Variants in GTF2F2 observed in about 807,000 individuals in gnomAD.
GTF2F2 encodes the protein general transcription factor IIF subunit 2, also known as ATP-dependent helicase GTF2F2.
Under a neutral mutation model 42.2 loss-of-function variants are expected in GTF2F2, and 23 were observed. The ratio of observed to expected loss-of-function variants is 0.55; its 90% CI spans 0.39 to 0.77. The LOEUF (loss-of-function observed/expected upper bound fraction) is 0.77. GTF2F2 is among the 30% of genes least tolerant of loss of function. The pLI is 0.00. For synonymous variants in GTF2F2, 105 were observed against 100.8 expected (o/e 1.04, Z -0.25); for missense variants, 261 against 287.2 (o/e 0.91, Z 0.66).
At chr13:45,249,737 A>G (rs1875795802) in intron 5 of GTF2F2, among the ~76,000 whole-genome samples, 2 of 152,322 alleles carry the variant, frequency 1.3e-5, no homozygotes, top group South Asian at 2.1e-4. Context: ...TGACTGAAAC[A>G]GGGAAGATAA....
intron 5 of GTF2F2, among the ~76,000 whole-genome samples, chr13:45,250,695 T>G (rs1297167633): frequency 1.3e-5 from 2 of 152,082 alleles, no homozygotes; most frequent in African/African-American, 4.8e-5. Context: ...ACTGGAGAGA[T>G]ACGCAGGGAC....
chr13:45,277,790 G>T (rs1877097698), intron 7 of GTF2F2, among the ~76,000 whole-genome samples: 1 of 152,158 alleles, frequency 6.6e-6, no homozygotes, highest in Non-Finnish European at 1.5e-5. Context: ...CCCTTCTTGT[G>T]GTTGGATCAC....
intron 4 of GTF2F2, among the ~76,000 whole-genome samples, chr13:45,182,961 T>C (rs935510571): frequency 2.0e-5 from 3 of 152,116 alleles, no homozygotes; most frequent in Non-Finnish European, 2.9e-5. Flanking sequence ...TAACTGTGGC[T>C]TCTTCCATTA....
At chr13:45,173,454 C>G (rs946643662) in intron 4 of GTF2F2, among the ~76,000 whole-genome samples, 1 of 151,788 alleles carries the variant, frequency 6.6e-6, no homozygotes, top group Non-Finnish European at 1.5e-5. Flanking sequence ...TCACCACACT[C>G]AAGATGCAGA....
At chr13:45,249,381 A>T (rs1294339054) in intron 5 of GTF2F2, among the ~76,000 whole-genome samples, 2 of 151,604 alleles carry the variant, frequency 1.3e-5, no homozygotes, top group East Asian at 3.8e-4. Flanking sequence ...TTTATTTTTA[A>T]AAAAAAAATC....
chr13:45,238,263 T>G (rs1593510331), intron 5 of GTF2F2, among the ~76,000 whole-genome samples: 3 of 152,256 alleles, frequency 2.0e-5, no homozygotes, highest in Admixed American at 2.0e-4. Flanking sequence ...CCTGAAAAGT[T>G]TTTAAAGAAT....
chr13:45,252,188 G>A (rs1318697238), intron 5 of GTF2F2, among the ~76,000 whole-genome samples: 1 of 152,176 alleles, frequency 6.6e-6, no homozygotes, highest in African/African-American at 2.4e-5. Flanking sequence ...TGTTGCCCAG[G>A]CTGGAGTGCA....
chr13:45,173,396 T>C (rs1171482414), intron 4 of GTF2F2, among the ~76,000 whole-genome samples: 1 of 151,468 alleles, frequency 6.6e-6, no homozygotes, highest in East Asian at 1.9e-4. Flanking sequence ...TGTGTGTGTG[T>C]ATTGTTTAGT....
rs1201594497 is a variant in GTF2F2, at chr13:45,202,963, GAAATA to G, written c.305-4443_305-4439del. Among the ~76,000 whole-genome samples the G allele has an allele frequency of 1.1e-4, 17 of 152,260 alleles. No individual in the cohort carries two copies. In the East Asian group the frequency reaches 1.7e-3, roughly 16 times the overall value. ...GGTGACAGAGTGAGACATCATCTCA[GAAATA>G]AAATAAAATAAAATAAATGTACATT... is the stretch of plus-strand genomic sequence containing the variant. On this transcript the variant is annotated intron_variant, in intron 4 of 7. Transcript: ENST00000340473.
At chr13:45,194,383 A>G (rs781071691) in intron 4 of GTF2F2, 18 of 1,614,038 alleles carry the variant, frequency 1.1e-5, no homozygotes, top group African/African-American at 2.7e-5. Context: ...TCCATTTACT[A>G]TACCTTCAAG....
chr13:45,178,562 G>A (rs770675878), intron 4 of GTF2F2, among the ~76,000 whole-genome samples: 6 of 151,084 alleles, frequency 4.0e-5, no homozygotes, highest in African/African-American at 1.2e-4. Context: ...TCAAAGCTTC[G>A]TGTTTGGCAT....
At chr13:45,213,157 C>T (rs1318818443) in intron 5 of GTF2F2, among the ~76,000 whole-genome samples, 1 of 151,788 alleles carries the variant, frequency 6.6e-6, no homozygotes, top group South Asian at 2.1e-4. Flanking sequence ...CGGCTCACTG[C>T]AAGCTCTGCC....
intron 5 of GTF2F2, among the ~76,000 whole-genome samples, chr13:45,210,787 T>C (rs550213248): frequency 2.0e-5 from 3 of 152,302 alleles, no homozygotes; most frequent in East Asian, 3.9e-4. Flanking sequence ...GACAGTGTGC[T>C]ATAACTATTA....
At chr13:45,134,489 C>T (rs1288810549) in intron 1 of GTF2F2, among the ~76,000 whole-genome samples, 1 of 152,080 alleles carries the variant, frequency 6.6e-6, no homozygotes, top group African/African-American at 2.4e-5. Context: ...AATGAAGCCA[C>T]CTTAAAGCTA....
chr13:45,126,696 A>C (rs1869023757), intron 1 of GTF2F2, among the ~76,000 whole-genome samples: 1 of 152,242 alleles, frequency 6.6e-6, no homozygotes. Context: ...ACTACGACTT[A>C]TAGCCCAGTA....
chr13:45,236,491 ACACACACAC>A (rs1874991023), intron 5 of GTF2F2, among the ~76,000 whole-genome samples: 2 of 26,664 alleles, frequency 7.5e-5, no homozygotes, highest in African/African-American at 1.7e-3. Flanking sequence ...CGCCACACAT[ACACACACAC>A]ACACACACAC....
At chr13:45,174,634 C>CTTTTCTTTT (rs1456234732) in intron 4 of GTF2F2, among the ~76,000 whole-genome samples, 1 of 81,502 alleles carries the variant, frequency 1.2e-5, no homozygotes, top group African/African-American at 4.7e-5. Context: ...TTTCTTTTTT[C>CTTTTCTTTT]TTTTTTTTTT....
intron 7 of GTF2F2, among the ~76,000 whole-genome samples, chr13:45,282,544 G>A (rs1258927704): frequency 6.6e-6 from 1 of 152,076 alleles, no homozygotes. Context: ...CACTGTTGTT[G>A]CCCAGGCTAG....
At chr13:45,133,218 A>G (rs1211477524) in intron 1 of GTF2F2, among the ~76,000 whole-genome samples, 4 of 152,162 alleles carry the variant, frequency 2.6e-5, no homozygotes, top group Non-Finnish European at 4.4e-5. Flanking sequence ...GACATAGCAG[A>G]TGGGGGACAG....
Sources: allele counts gnomAD v4.1 joint callset (sites outside exome capture counted in the v4.1 genomes callset), GRCh38; gene constraint gnomAD v4.1.1; transcripts MANE v1.5; gene names NCBI Gene and HGNC (gene_info 2026-07-23, HGNC 2026-07-21).